TCF12: variants seen among roughly 807,000 people sequenced by gnomAD.
TCF12 encodes the protein DNA-binding protein HTF4.
TCF12 carries 45 observed loss-of-function variants against 86.0 expected under a neutral mutation model. The ratio of observed to expected loss-of-function variants is 0.52; its 90% CI spans 0.41 to 0.67. TCF12 has a LOEUF of 0.67. Ranked by LOEUF, TCF12 falls within the 30% of genes least tolerant of loss-of-function variation. The pLI, the probability that TCF12 is intolerant of heterozygous loss-of-function variation, is 0.00. For missense variants in TCF12, 881 were observed against 859.9 expected, an observed-to-expected ratio of 1.02 and a Z score of -0.31; for synonymous variants, 330 against 299.6, an observed-to-expected ratio of 1.10 and a Z score of -1.05.
chr15:57,054,677 A>G (rs1341235259), intron 3 of TCF12, among the ~76,000 whole-genome samples: 1 of 144,232 alleles, frequency 6.9e-6, no homozygotes, highest in Non-Finnish European at 1.5e-5. Flanking sequence ...TTTTCTGTGT[A>G]TTCCAACAGT....
chr15:57,171,900 TAAGC>T (rs1254813883), intron 6 of TCF12, among the ~76,000 whole-genome samples: 2 of 152,236 alleles, frequency 1.3e-5, no homozygotes, highest in Non-Finnish European at 2.9e-5. Context: ...TTATACCTCT[TAAGC>T]AAGTATTTAT....
chr15:57,211,660 A>G (rs1327204110), intron 8 of TCF12, among the ~76,000 whole-genome samples: 1 of 152,174 alleles, frequency 6.6e-6, no homozygotes, highest in African/African-American at 2.4e-5. Context: ...TGATTATAAA[A>G]ATACAATTTA....
intron 3 of TCF12, among the ~76,000 whole-genome samples, chr15:56,995,519 A>G (rs1687613477): frequency 6.6e-6 from 1 of 151,664 alleles, no homozygotes; most frequent in South Asian, 2.1e-4. Context: ...CCTTGTAGTG[A>G]TCTTTTACGT....
At chr15:57,240,899 AAAG>A (rs1452108724) in intron 12 of TCF12, among the ~76,000 whole-genome samples, 21 of 150,854 alleles carry the variant, frequency 1.4e-4, no homozygotes, top group African/African-American at 4.9e-4. Flanking sequence ...AAAAAAAAAA[AAAG>A]AAAGGGAAAA....
chr15:57,264,753 G>T (rs1185180306), intron 18 of TCF12, among the ~76,000 whole-genome samples: 1 of 152,036 alleles, frequency 6.6e-6, no homozygotes, highest in African/African-American at 2.4e-5. Flanking sequence ...TAAAGGACCT[G>T]CCTTGAGGTC....
chr15:56,967,288 T>G (rs2062051981), intron 3 of TCF12, among the ~76,000 whole-genome samples: 1 of 151,950 alleles, frequency 6.6e-6, no homozygotes, highest in Admixed American at 6.6e-5. Context: ...GTGAAGTAAT[T>G]TTTCTGTAAA....
At chr15:57,041,090 C>G (rs543923517) in intron 3 of TCF12, among the ~76,000 whole-genome samples, 1 of 152,224 alleles carries the variant, frequency 6.6e-6, no homozygotes, top group Admixed American at 6.5e-5. Context: ...GAATTTGAGG[C>G]AGGATGTCCT....
rs576434935 is a variant in TCF12 at position 57,250,432 on chromosome 15, C to A, written c.1115-918C>A. Among the ~76,000 whole-genome samples the A allele has an allele frequency of 2.0e-5, 3 of 152,142 alleles. No individual in the cohort carries two copies. In the East Asian group the frequency reaches 5.8e-4, roughly 29 times the overall value. On this transcript the variant is annotated intron_variant, in intron 13 of 20. Coordinates refer to ENST00000333725, the MANE Select transcript of TCF12 (RefSeq NM_207037.2). ...TAGCAGTGAAATAATAGTGGCTAAG[C>A]AAATTAGGTGTAGAAGCCAGGCAAA...
intron 3 of TCF12, among the ~76,000 whole-genome samples, chr15:57,039,402 T>C (rs1437533662): frequency 6.6e-6 from 1 of 152,216 alleles, no homozygotes; most frequent in Non-Finnish European, 1.5e-5. Flanking sequence ...AGCCAGTTAC[T>C]TCATTGTCAT....
At chr15:57,025,637 G>A (rs1334100250) in intron 3 of TCF12, among the ~76,000 whole-genome samples, 2 of 152,136 alleles carry the variant, frequency 1.3e-5, no homozygotes, top group Non-Finnish European at 2.9e-5. Flanking sequence ...AATGCGCCTG[G>A]TCTCCAGATG....
chr15:57,194,811 T>C (rs2057168763), intron 7 of TCF12, among the ~76,000 whole-genome samples: 2 of 152,180 alleles, frequency 1.3e-5, no homozygotes, highest in Admixed American at 1.3e-4. Context: ...TAACTGAAGC[T>C]CAAAGAGGGT....
At chr15:57,033,329 A>G (rs1296292767) in intron 3 of TCF12, among the ~76,000 whole-genome samples, 1 of 152,184 alleles carries the variant, frequency 6.6e-6, no homozygotes, top group Admixed American at 6.5e-5. Flanking sequence ...AAAAAAGTCA[A>G]TTTTACCACA....
At chr15:56,949,430 ACT>A (rs1422899002) in intron 3 of TCF12, among the ~76,000 whole-genome samples, 2 of 152,306 alleles carry the variant, frequency 1.3e-5, no homozygotes, top group African/African-American at 4.8e-5. Context: ...TAGATGTAAA[ACT>A]CAGTCTGCAA....
chr15:57,198,068 C>G (rs553870160), intron 8 of TCF12, among the ~76,000 whole-genome samples: 1 of 152,230 alleles, frequency 6.6e-6, no homozygotes, highest in African/African-American at 2.4e-5. Flanking sequence ...ATTTGAATTC[C>G]CCTCTTGGGA....
At chr15:57,273,996 A>G (rs1237369262) in intron 19 of TCF12, among the ~76,000 whole-genome samples, 3 of 152,204 alleles carry the variant, frequency 2.0e-5, no homozygotes, top group Non-Finnish European at 1.5e-5. Flanking sequence ...ATCAAATAAT[A>G]GAAGCTTCTT....
chr15:56,963,744 T>G (rs1250391474), intron 3 of TCF12, among the ~76,000 whole-genome samples: 4 of 152,248 alleles, frequency 2.6e-5, no homozygotes, highest in Non-Finnish European at 4.4e-5. Context: ...CTTTATGAAC[T>G]GTCAAATACT....
At chr15:57,167,242 G>A (rs1033421500) in intron 6 of TCF12, among the ~76,000 whole-genome samples, 3 of 152,168 alleles carry the variant, frequency 2.0e-5, no homozygotes, top group Admixed American at 6.5e-5. Flanking sequence ...CCTGTTTTGT[G>A]ATATGCCTTC....
chr15:57,048,756 C>T (rs2067408974), intron 3 of TCF12, among the ~76,000 whole-genome samples: 1 of 152,000 alleles, frequency 6.6e-6, no homozygotes, highest in African/African-American at 2.4e-5. Context: ...TCTGGAAACC[C>T]ACAAGAATGT....
At chr15:57,071,182 G>T (rs773016836) in intron 4 of TCF12, among the ~76,000 whole-genome samples, 1 of 151,752 alleles carries the variant, frequency 6.6e-6, no homozygotes, top group Non-Finnish European at 1.5e-5. Context: ...TAAAATGGGA[G>T]GATTGCTTGA....
Sources: allele counts gnomAD v4.1 joint callset (sites outside exome capture counted in the v4.1 genomes callset), GRCh38; gene constraint gnomAD v4.1.1; transcripts MANE v1.5; gene names NCBI Gene and HGNC (gene_info 2026-07-23, HGNC 2026-07-21).